Variants in WARS2 observed in about 807,000 individuals in gnomAD.
WARS2 encodes tryptophanyl tRNA synthetase 2, mitochondrial.
A neutral mutation model predicts 36.5 loss-of-function variants in WARS2; 28 were observed. The ratio of observed to expected loss-of-function variants is 0.77; its 90% CI spans 0.57 to 1.05. The LOEUF (loss-of-function observed/expected upper bound fraction) is 1.05. Among genes scored for constraint, WARS2 ranks in the 50% least tolerant of loss-of-function variants. WARS2 has a pLI of 0.00. For missense variants in WARS2, 435 were observed against 456.8 expected, an observed-to-expected ratio of 0.95 and a Z score of 0.44; for synonymous variants, 174 against 178.4, an observed-to-expected ratio of 0.98 and a Z score of 0.20.
chr1:119,127,725 T>C (rs1655770918), intron 1 of WARS2, among the ~76,000 whole-genome samples: 1 of 152,156 alleles, frequency 6.6e-6, no homozygotes, highest in South Asian at 2.1e-4. Flanking sequence ...CCTCTACCTT[T>C]CTCTCACTCT....
intron 2 of WARS2, among the ~76,000 whole-genome samples, chr1:119,075,252 A>G (rs1651639479): frequency 6.6e-6 from 1 of 152,220 alleles, no homozygotes; most frequent in African/African-American, 2.4e-5. Context: ...ACAATACAGT[A>G]TAACAACTAT....
At chr1:119,059,582 A>G (rs1264322800) in intron 2 of WARS2, among the ~76,000 whole-genome samples, 1 of 152,212 alleles carries the variant, frequency 6.6e-6, no homozygotes, top group Non-Finnish European at 1.5e-5. Context: ...ATAGCTGTAT[A>G]ATAAGCTTCA....
intron 1 of WARS2, among the ~76,000 whole-genome samples, chr1:119,133,714 A>G (rs1404362698): frequency 2.6e-5 from 4 of 152,216 alleles, no homozygotes; most frequent in Admixed American, 6.5e-5. Flanking sequence ...TCATGGTACT[A>G]TCAGACCAGG....
At chr1:119,107,855 C>T (rs766421892) in intron 1 of WARS2, among the ~76,000 whole-genome samples, 4 of 152,012 alleles carry the variant, frequency 2.6e-5, no homozygotes, top group Admixed American at 6.6e-5. Flanking sequence ...AGTTCCCTTC[C>T]ATTCCTGGTT....
intron 1 of WARS2, among the ~76,000 whole-genome samples, chr1:119,093,284 A>C (rs1404889089): frequency 1.3e-5 from 2 of 152,008 alleles, no homozygotes; most frequent in African/African-American, 4.8e-5. Flanking sequence ...ACCACTGAGT[A>C]ATCTTTAGGA....
At chr1:119,055,341 G>T (rs2101174222) in intron 2 of WARS2, among the ~76,000 whole-genome samples, 1 of 152,304 alleles carries the variant, frequency 6.6e-6, no homozygotes, top group Non-Finnish European at 1.5e-5. Flanking sequence ...GGTCAGGCAT[G>T]GTGGCTCATG....
intron 1 of WARS2, among the ~76,000 whole-genome samples, chr1:119,100,350 A>AAC (rs1376049345): frequency 6.6e-6 from 1 of 152,186 alleles, no homozygotes; most frequent in African/African-American, 2.4e-5. Context: ...TGGGAATGGA[A>AAC]ACTAGTACAG....
intron 1 of WARS2, among the ~76,000 whole-genome samples, chr1:119,107,234 A>G (rs901984771): frequency 1.3e-5 from 2 of 152,054 alleles, no homozygotes; most frequent in African/African-American, 4.8e-5. Context: ...CTTTGCAAAT[A>G]TCTTCTCCTA....
intron 2 of WARS2, among the ~76,000 whole-genome samples, chr1:119,055,268 T>C (rs769243333): frequency 5.9e-5 from 9 of 152,144 alleles, no homozygotes; most frequent in Non-Finnish European, 1.3e-4. Flanking sequence ...GTCTAGAAGA[T>C]AGCTGGTAAT....
At chr1:119,065,765 G>A (rs922109792) in intron 2 of WARS2, among the ~76,000 whole-genome samples, 10 of 151,950 alleles carry the variant, frequency 6.6e-5, no homozygotes, top group Non-Finnish European at 1.2e-4. Context: ...AAGGAACAAA[G>A]GCATTTCAAG....
intron 2 of WARS2, among the ~76,000 whole-genome samples, chr1:119,060,664 C>A (rs756799722): frequency 4.6e-5 from 7 of 152,138 alleles, no homozygotes; most frequent in Non-Finnish European, 7.3e-5. Flanking sequence ...CGAAAGCAGG[C>A]AGAAACTAGG....
intron 2 of WARS2, among the ~76,000 whole-genome samples, chr1:119,075,834 C>T (rs1164570075): frequency 5.3e-5 from 8 of 152,222 alleles, no homozygotes; most frequent in Admixed American, 2.0e-4. Context: ...AGACACAACA[C>T]ACTGGGACTT....
intron 2 of WARS2, among the ~76,000 whole-genome samples, chr1:119,045,909 A>C (rs1236307296): frequency 1.3e-5 from 2 of 152,128 alleles, no homozygotes; most frequent in Admixed American, 6.5e-5. Context: ...ACCCCACCAG[A>C]TTCTGCTTCA....
rs1647529981 is a variant in WARS2, at chr1:119,032,719, A to G, written c.*192T>C. On this transcript the variant is annotated 3_prime_UTR_variant, in exon 6 of 6. Coordinates refer to ENST00000235521, the MANE Select transcript of WARS2 (RefSeq NM_015836.4). ...ATTTTTTGTTGTTGTTGTTCACAGC[A>G]TTTTGTTGATGGGATTTGGAACACT... is the stretch of plus-strand genomic sequence containing the variant. 2 of 601,828 alleles carry G rather than the reference A, an allele frequency of 3.3e-6. No individual in the cohort carries two copies. Among genetic ancestry groups the G allele is most frequent in the East Asian group, 5.8e-5 (2 of 34,542 alleles). The allele number at this position is 601,828 out of a possible 1,614,324, so 37.3% of individuals were successfully genotyped here. A position where few individuals can be genotyped will look rare whatever the true frequency, so the allele number is the denominator to read the frequency against.
intron 1 of WARS2, among the ~76,000 whole-genome samples, chr1:119,111,254 T>C (rs1654612409): frequency 6.6e-6 from 1 of 152,150 alleles, no homozygotes; most frequent in Admixed American, 6.5e-5. Context: ...TAAACAGGCT[T>C]TTAATAGTGT....
intron 1 of WARS2, among the ~76,000 whole-genome samples, chr1:119,114,238 G>A (rs931018333): frequency 3.9e-5 from 6 of 152,130 alleles, no homozygotes; most frequent in African/African-American, 1.4e-4. Flanking sequence ...CTGAGAGCAG[G>A]TAAACGCTAA....
In WARS2 at chr1:119,135,747, T is replaced by TAGATAGATAGATAGAG. The variant is rs1553183286; in HGVS notation, c.90+4807_90+4808insCTCTATCTATCTATCT. Among the ~76,000 whole-genome samples, 170 of 115,870 alleles carry TAGATAGATAGATAGAG rather than the reference T, an allele frequency of 1.5e-3. No homozygotes were observed. In the East Asian group the frequency reaches 0.019, roughly 13 times the overall value. The allele number at this position is 115,870 out of a possible 152,430, so 76.0% of individuals were successfully genotyped here. A position where few individuals can be genotyped will look rare whatever the true frequency, so the allele number is the denominator to read the frequency against. On this transcript the variant is annotated intron_variant, in intron 1 of 5. Transcript: ENST00000235521. ...ATAGATAGATAGATAGATAGATAGATAGATAGAGAGATAGAGAGAGAGAGA... is the reference window on the plus strand; with the variant it reads ...ATAGATAGATAGATAGATAGATAGATAGATAGATAGATAGAGAGATAGAGAGATAGAGAGAGAGAGA...
At chr1:119,051,552 C>T (rs1453514519) in intron 2 of WARS2, among the ~76,000 whole-genome samples, 1 of 152,002 alleles carries the variant, frequency 6.6e-6, no homozygotes, top group Non-Finnish European at 1.5e-5. Context: ...TGGGTATATA[C>T]CCAGTAATGG....
At position 119,076,350 on chromosome 1, in the gene WARS2, CTGAGATTGTTGGAAAAG is replaced by C; in HGVS notation, c.331_347del (p.Leu111GlyfsTer3). On this transcript the variant is annotated frameshift_variant and splice_region_variant, in exon 2 of 6. Transcript: ENST00000235521. LOFTEE classifies it high-confidence loss of function. ...CTCAGTTCTAATCTGAGAAGCTGAC[CTGAGATTGTTGGAAAAG>C]GATGCTTTTTTCCGGGTTTATGCCA... 1 of 1,614,022 alleles carries C rather than the reference CTGAGATTGTTGGAAAAG, an allele frequency of 6.2e-7. No homozygotes were observed. Among genetic ancestry groups the C allele is most frequent in the Middle Eastern group, 1.7e-4 (1 of 6,056 alleles).
Sources: allele counts gnomAD v4.1 joint callset (sites outside exome capture counted in the v4.1 genomes callset), GRCh38; gene constraint gnomAD v4.1.1; transcripts MANE v1.5; gene names NCBI Gene and HGNC (gene_info 2026-07-23, HGNC 2026-07-21).